ANKRD16: variants seen among roughly 807,000 people sequenced by gnomAD.
ANKRD16 encodes ankyrin repeat domain-containing protein 16.
A neutral mutation model predicts 37.9 loss-of-function variants in ANKRD16; 35 were observed. The observed-to-expected ratio is 0.92, with a 90% CI of 0.71 to 1.23. The LOEUF (loss-of-function observed/expected upper bound fraction) is 1.23, where lower values mean the gene tolerates loss of function less well. Ranked by LOEUF, ANKRD16 falls within the 50% of genes most tolerant of loss-of-function variation. The pLI is 0.00. For missense variants in ANKRD16, 480 were observed against 469.9 expected, an observed-to-expected ratio of 1.02 and a Z score of -0.20; for synonymous variants, 206 against 197.2, an observed-to-expected ratio of 1.04 and a Z score of -0.37.
Position 5,863,100 on chromosome 10 carries a change from C to A in ANKRD16, c.*34-409G>T, listed in dbSNP as rs549503998. Among the ~76,000 whole-genome samples, 62 of 152,212 alleles carry A rather than the reference C, an allele frequency of 4.1e-4. No individual in the cohort carries two copies. The highest frequency in any genetic ancestry group is 1.5e-3 in the African/African-American group (61 of 41,506). ...AGTGATCCTGCCACGTCCCTGACTC[C>A]ATGGGCTTTCAACACGAGGCCTCCC... On this transcript the variant is annotated intron_variant, in intron 7 of 7. Transcript: ENST00000380094. The surrounding 1 kb of genome is among the most constrained non-coding windows in gnomAD (Gnocchi z 4.7).
intron 3 of ANKRD16, 67 bp from the exon 4 acceptor site, chr10:5,884,144 C>A: frequency 8.5e-7 from 1 of 1,176,672 alleles, no homozygotes; most frequent in Non-Finnish European, 1.2e-6. Flanking sequence ...ACAGTTGACA[C>A]CTGATCACCT....
rs541442353 is a variant in ANKRD16, at chr10:5,864,556, A to G, written c.*34-1865T>C. 2.0e-5 allele frequency among the ~76,000 whole-genome samples: 3 copies of G among 152,304 alleles called. No homozygotes were observed. In the East Asian group the frequency reaches 5.8e-4, roughly 29 times the overall value. The stretch of plus-strand genomic sequence containing the variant: ...TGGAGAGATGTCATGCTATTGCTAG[A>G]TCACACCCTGGCCTTTAATGAAAAG... On this transcript the variant is annotated intron_variant, in intron 7 of 7. Transcript: ENST00000380094. This position sits in a 1 kb window ranked among gnomAD's most constrained non-coding sequence, Gnocchi z 4.4.
At chr10:5,877,642 G>C (rs544106111) in intron 7 of ANKRD16, among the ~76,000 whole-genome samples, 1 of 152,318 alleles carries the variant, frequency 6.6e-6, no homozygotes, top group Non-Finnish European at 1.5e-5. Flanking sequence ...CCAAGTAAAA[G>C]CTTATGAAGG....
rs1224095824 is a variant in ANKRD16, at chr10:5,863,964, T to C, written c.*34-1273A>G. On this transcript the variant is annotated intron_variant, in intron 7 of 7. Coordinates refer to ENST00000380094, the MANE Select transcript of ANKRD16 (RefSeq NM_019046.3). This position sits in a 1 kb window ranked among gnomAD's most constrained non-coding sequence, Gnocchi z 4.7. Reference sequence around the variant, plus strand: ...CACCCTTGAAATGCATCTAAGCCATTGGGACCAGTTTGACCCACAAACCCT... The same window carrying C: ...CACCCTTGAAATGCATCTAAGCCATCGGGACCAGTTTGACCCACAAACCCT... Among the ~76,000 whole-genome samples, 1 of 152,116 alleles carries C rather than the reference T, an allele frequency of 6.6e-6. No individual in the cohort carries two copies. The highest frequency in any genetic ancestry group is 1.5e-5 in the Non-Finnish European group (1 of 68,028).
rs145241615 is a variant in ANKRD16 at position 5,862,107 on chromosome 10, G to A, written c.*618C>T. 646 of 173,118 alleles carry A rather than the reference G, an allele frequency of 3.7e-3. 13 individuals carry two copies. The East Asian group carries it at 0.051, about 14-fold the overall frequency. The allele number at this position is 173,118 out of a possible 1,614,324, so 10.7% of individuals were successfully genotyped here. ...TTAGTAAGAGACGGGGTTTCACCACGTTAGCCAGGATGGTCTCGATCTCCT... is the reference window on the plus strand; with the variant it reads ...TTAGTAAGAGACGGGGTTTCACCACATTAGCCAGGATGGTCTCGATCTCCT... On this transcript the variant is annotated 3_prime_UTR_variant, in exon 8 of 8. Coordinates refer to ENST00000380094, the MANE Select transcript of ANKRD16 (RefSeq NM_019046.3). This position sits in a 1 kb window ranked among gnomAD's most constrained non-coding sequence, Gnocchi z 6.5.
At position 5,868,458 on chromosome 10, in the gene ANKRD16, CT is replaced by C. The variant is rs2131754675; in HGVS notation, c.*34-5768del. ...CTGGATCAAGTGGGGACTTGGAGAA[CT>C]TTTCTGTCTAGCTAAAGGACTGTAA... On this transcript the variant is annotated intron_variant, in intron 7 of 7. Transcript: ENST00000380094. The surrounding 1 kb of genome is among the most constrained non-coding windows in gnomAD (Gnocchi z 4.9). Among the ~76,000 whole-genome samples, 1 of 152,284 alleles carries C rather than the reference CT, an allele frequency of 6.6e-6. No homozygotes were observed. Among genetic ancestry groups the C allele is most frequent in the Non-Finnish European group, 1.5e-5 (1 of 68,032 alleles).
In ANKRD16 at chr10:5,865,656, T is replaced by C. The variant is rs2131752027; in HGVS notation, c.*34-2965A>G. Among the ~76,000 whole-genome samples the C allele has an allele frequency of 6.6e-6, 1 of 152,332 alleles. No individual in the cohort carries two copies. The highest frequency in any genetic ancestry group is 1.9e-4 in the East Asian group (1 of 5,188). ...CCTCCTCAGTTGTAATTCGGATGCTTTGCTCTTTTCACATGACTTTCTTGT... is the reference window on the plus strand; with the variant it reads ...CCTCCTCAGTTGTAATTCGGATGCTCTGCTCTTTTCACATGACTTTCTTGT... On this transcript the variant is annotated intron_variant, in intron 7 of 7. Coordinates refer to ENST00000380094, the MANE Select transcript of ANKRD16 (RefSeq NM_019046.3). This position sits in a 1 kb window ranked among gnomAD's most constrained non-coding sequence, Gnocchi z 4.7.
chr10:5,880,169 C>T (rs1842267233), intron 6 of ANKRD16, 129 bp downstream of exon 6: 1 of 415,068 alleles, frequency 2.4e-6, no homozygotes, highest in Non-Finnish European at 3.7e-6. Flanking sequence ...TCAACACCAC[C>T]ACCACTAAAA....
chr10:5,881,756 C>T (rs1368718371), intron 5 of ANKRD16, among the ~76,000 whole-genome samples: 2 of 147,986 alleles, frequency 1.4e-5, no homozygotes, highest in Admixed American at 6.8e-5. Flanking sequence ...GGTGCGATCT[C>T]GGCTCACTGC....
rs551609329 is a variant in ANKRD16 at position 5,876,628 on chromosome 10, AT to A, written c.*33+1468del. Among the ~76,000 whole-genome samples the A allele has an allele frequency of 4.1e-3, 624 of 152,358 alleles. 6 individuals are homozygous for A. Among genetic ancestry groups the A allele is most frequent in the African/African-American group, 0.014 (596 of 41,590 alleles). ...CAGGAGTGTTTCTACCAGAACACTG[AT>A]TTGGTGGTTAGAAACAGGAATCCGC... On this transcript the variant is annotated intron_variant, in intron 7 of 7. Coordinates refer to ENST00000380094, the MANE Select transcript of ANKRD16 (RefSeq NM_019046.3).
intron 5 of ANKRD16, chr10:5,882,618 A>T (rs1284891836): frequency 6.3e-6 from 1 of 159,656 alleles, no homozygotes; most frequent in African/African-American, 2.4e-5. Context: ...AATATACCCC[A>T]GAGAGCCTAG....
rs1177971821 is a variant in ANKRD16 at position 5,869,145 on chromosome 10, T to C, written c.*34-6454A>G. 6.6e-6 allele frequency among the ~76,000 whole-genome samples: 1 copy of C among 152,178 alleles called. No individual in the cohort carries two copies. Among genetic ancestry groups the C allele is most frequent in the Non-Finnish European group, 1.5e-5 (1 of 68,026 alleles). On this transcript the variant is annotated intron_variant, in intron 7 of 7. Coordinates refer to ENST00000380094, the MANE Select transcript of ANKRD16 (RefSeq NM_019046.3). This position sits in a 1 kb window ranked among gnomAD's most constrained non-coding sequence, Gnocchi z 4.0. ...GTTTATGTGTGGCCCAAGACAATCATTCTTCTTCCAATGTGGCCCAAGGGA... is the reference window on the plus strand; with the variant it reads ...GTTTATGTGTGGCCCAAGACAATCACTCTTCTTCCAATGTGGCCCAAGGGA...
In ANKRD16 at chr10:5,878,167, T is replaced by C; in HGVS notation, c.1049A>G (p.Asp350Gly). ...TLAQQLPRRA[D>G]VLQGSGHSAM... is the part of the protein sequence containing the mutation. ...GCTATGGCCAGAGCCCTGAAGGACA[T>C]CTGCTCTCCTTGGGAGCTGCTGAGC... Residue 350 changes from aspartate (D) to glycine (G), a missense_variant, in exon 7 of 8, where the codon GAT (aspartate) becomes GGT (glycine). Asp to Gly is a moderately conservative substitution (Grantham distance 94). Transcript: ENST00000380094. The surrounding 1 kb of genome is among the most constrained non-coding windows in gnomAD (Gnocchi z 5.1). The C allele has an allele frequency of 6.2e-7, 1 of 1,614,206 alleles. No homozygotes were observed. Among genetic ancestry groups the C allele is most frequent in the Non-Finnish European group, 8.5e-7 (1 of 1,180,036 alleles).
At position 5,870,390 on chromosome 10, in the gene ANKRD16, TTCCC is replaced by T. The variant is rs537232969; in HGVS notation, c.*33+7703_*34-7700del. Among the ~76,000 whole-genome samples, 5 of 150,130 alleles carry T rather than the reference TTCCC, an allele frequency of 3.3e-5. No individual in the cohort carries two copies. The South Asian group carries it at 1.0e-3, about 31-fold the overall frequency. On this transcript the variant is annotated intron_variant, in intron 7 of 7. Coordinates refer to ENST00000380094, the MANE Select transcript of ANKRD16 (RefSeq NM_019046.3). The surrounding 1 kb of genome is among the most constrained non-coding windows in gnomAD (Gnocchi z 5.0). ...CTGCCCGGGCACCAGCCAGTCCTCA[TTCCC>T]TCCCTACTGCTTTTTTTTTTTTTTT...
rs1261319812 is a variant in ANKRD16 at position 5,869,842 on chromosome 10, G to A, written c.*34-7151C>T. 6.6e-6 allele frequency among the ~76,000 whole-genome samples: 1 copy of A among 152,028 alleles called. No homozygotes were observed. Among genetic ancestry groups the A allele is most frequent in the Non-Finnish European group, 1.5e-5 (1 of 68,006 alleles). Reference sequence around the variant, plus strand: ...TTTCAACTTTTATTTTAAATACAGGGGGTACATGTGCAGGTTTGTTACCTG... The same window carrying A: ...TTTCAACTTTTATTTTAAATACAGGAGGTACATGTGCAGGTTTGTTACCTG... On this transcript the variant is annotated intron_variant, in intron 7 of 7. Coordinates refer to ENST00000380094, the MANE Select transcript of ANKRD16 (RefSeq NM_019046.3). The surrounding 1 kb of genome is among the most constrained non-coding windows in gnomAD (Gnocchi z 4.0).
chr10:5,886,466 C>A (rs1842425064), intron 2 of ANKRD16, among the ~76,000 whole-genome samples: 1 of 152,172 alleles, frequency 6.6e-6, no homozygotes, highest in South Asian at 2.1e-4. Flanking sequence ...TGGCATGCGC[C>A]AGTAATCCCA....
intron 7 of ANKRD16, among the ~76,000 whole-genome samples, chr10:5,872,666 C>T (rs1231815634): frequency 1.3e-5 from 2 of 149,750 alleles, no homozygotes; most frequent in Non-Finnish European, 1.5e-5. Flanking sequence ...ACGCCATACT[C>T]CTGCCTCAGC....
intron 7 of ANKRD16, among the ~76,000 whole-genome samples, chr10:5,877,757 A>T (rs1842207119): frequency 6.6e-6 from 1 of 151,778 alleles, no homozygotes; most frequent in Non-Finnish European, 1.5e-5. Context: ...AGTTACTATA[A>T]GATATTTCAT....
rs1274483045 is a variant in ANKRD16 at position 5,864,268 on chromosome 10, T to C, written c.*34-1577A>G. Reference sequence around the variant, plus strand: ...CCTCCCTATAGCCCCTTCCTATTAATGATAAGCCTCCTCTAACCTCCCCTG... The same window carrying C: ...CCTCCCTATAGCCCCTTCCTATTAACGATAAGCCTCCTCTAACCTCCCCTG... On this transcript the variant is annotated intron_variant, in intron 7 of 7. Transcript: ENST00000380094. This position sits in a 1 kb window ranked among gnomAD's most constrained non-coding sequence, Gnocchi z 4.4. Among the ~76,000 whole-genome samples, 1 of 152,042 alleles carries C rather than the reference T, an allele frequency of 6.6e-6. No individual in the cohort carries two copies.
Sources: gnomAD v4.1 joint callset for allele counts (sites outside exome capture counted in the v4.1 genomes callset) on GRCh38, gnomAD v4.1.1 for gene constraint, Gnocchi (gnomAD v3.1) non-coding constraint, MANE v1.5 for transcripts, NCBI Gene and HGNC (gene_info 2026-07-23, HGNC 2026-07-21) for gene names.